The following XYLB variants were observed in gnomAD, a reference collection of about 807,000 sequenced individuals.
XYLB encodes the protein xylulokinase, also known as xylulose kinase.
In XYLB, 62 loss-of-function variants were observed where a neutral mutation model predicts 78.7. That is an observed-to-expected ratio of 0.79 (90% CI 0.64 to 0.97). The LOEUF is 0.97. Ranked by LOEUF, XYLB falls within the 50% of genes least tolerant of loss-of-function variation. The pLI, the probability that XYLB is intolerant of heterozygous loss-of-function variation, is 0.00. For synonymous variants in XYLB, 245 were observed against 247.4 expected, an observed-to-expected ratio of 0.99 and a Z score of 0.09; for missense variants, 687 against 676.8, an observed-to-expected ratio of 1.02 and a Z score of -0.17.
chr3:38,361,536 G>T (rs538688660), intron 3 of XYLB, among the ~76,000 whole-genome samples: 1 of 152,210 alleles, frequency 6.6e-6, no homozygotes, highest in Non-Finnish European at 1.5e-5. Flanking sequence ...TTCAGAGGGG[G>T]CTGAGCCAGA....
chr3:38,363,055 G>A, intron 4 of XYLB, 38 bp downstream of exon 4: 1 of 1,480,816 alleles, frequency 6.8e-7, no homozygotes, highest in Non-Finnish European at 9.0e-7. Context: ...ATGTGAGGGT[G>A]ACTGTCCTGG....
intron 12 of XYLB, 114 bp from the exon 13 acceptor site, chr3:38,376,003 G>C (rs547517837): frequency 2.0e-5 from 15 of 744,984 alleles, no homozygotes; most frequent in African/African-American, 1.9e-4. Context: ...CACTGACTAG[G>C]GGTCGTGGTC....
At chr3:38,385,496 G>C (rs544154929) in intron 15 of XYLB, among the ~76,000 whole-genome samples, 1 of 152,020 alleles carries the variant, frequency 6.6e-6, no homozygotes, top group Admixed American at 6.5e-5. Flanking sequence ...GTATTTTTAA[G>C]TTGAAATTTT....
At chr3:38,436,043 CA>C in the XYLB span, among the ~76,000 whole-genome samples, 1 of 151,884 alleles carries the variant, frequency 6.6e-6, no homozygotes, top group African/African-American at 2.4e-5. Flanking sequence ...AAGAACAAAC[CA>C]AACTCCAAAT....
chr3:38,415,760 C>G (rs544310401), downstream of XYLB, among the ~76,000 whole-genome samples: 4 of 152,180 alleles, frequency 2.6e-5, no homozygotes, highest in African/African-American at 9.6e-5. Flanking sequence ...CCAGCCTGGG[C>G]AACAGTGAGA....
intron 9 of XYLB, among the ~76,000 whole-genome samples, chr3:38,372,168 C>G (rs1420817555): frequency 6.6e-6 from 1 of 152,180 alleles, no homozygotes; most frequent in African/African-American, 2.4e-5. Context: ...TCCCTGCACT[C>G]TGTCTTTTTT....
At position 38,374,466 on chromosome 3, in the gene XYLB, G is replaced by A. The variant is rs376159567; in HGVS notation, c.852G>A (p.Ser284=). 1.9e-5 allele frequency: 31 copies of A among 1,613,932 alleles called. No homozygotes were observed. Among genetic ancestry groups the A allele is most frequent in the Middle Eastern group, 3.3e-4 (2 of 6,082 alleles). The change falls in exon 11 of 19, where the codon TCG becomes TCA. Residue 284 remains serine, a synonymous_variant. Transcript: ENST00000207870. ...VVAFTGDNPA[S]LAGMRLEEGD... is the part of the protein sequence containing the mutation. ...AAGCTCCCCTCCCATTCTCAGCGTC[G>A]CTGGCAGGCATGAGACTGGAGGAAG... is the stretch of plus-strand genomic sequence containing the variant.
chr3:38,360,974 G>A (rs909565190), intron 3 of XYLB, among the ~76,000 whole-genome samples: 4 of 152,178 alleles, frequency 2.6e-5, no homozygotes, highest in African/African-American at 9.7e-5. Flanking sequence ...GGTGGAGGTT[G>A]CAGTGAGCTG....
intron 15 of XYLB, among the ~76,000 whole-genome samples, chr3:38,387,459 C>T (rs776298247): frequency 3.3e-5 from 5 of 152,170 alleles, no homozygotes; most frequent in Non-Finnish European, 5.9e-5. Context: ...CAACCTCCAC[C>T]TGCTGGGCTC....
intron 18 of XYLB, among the ~76,000 whole-genome samples, chr3:38,409,000 A>G (rs1368931085): frequency 6.6e-6 from 1 of 152,214 alleles, no homozygotes; most frequent in African/African-American, 2.4e-5. Flanking sequence ...TATTCCAATC[A>G]ATAGAAAAAG....
At chr3:38,446,090 TTCCACAGCA>T in the XYLB span, among the ~76,000 whole-genome samples, 2 of 152,182 alleles carry the variant, frequency 1.3e-5, no homozygotes, top group Admixed American at 1.3e-4. Flanking sequence ...AGAACAAAGC[TTCCACAGCA>T]TGGAAGGAGA....
chr3:38,366,750 G>A, intron 6 of XYLB, 58 bp from the exon 7 acceptor site: 1 of 1,181,428 alleles, frequency 8.5e-7, no homozygotes, highest in South Asian at 1.2e-5. Context: ...ACTTTGTGGA[G>A]GTAATTGTTC....
At chr3:38,405,938 G>T (rs907229992) in intron 18 of XYLB, among the ~76,000 whole-genome samples, 5 of 152,242 alleles carry the variant, frequency 3.3e-5, no homozygotes, top group African/African-American at 7.2e-5. Flanking sequence ...GCCTCTGTAG[G>T]CTCCACCTCT....
chr3:38,394,599 G>C (rs1228124972), intron 15 of XYLB, among the ~76,000 whole-genome samples: 1 of 152,154 alleles, frequency 6.6e-6, no homozygotes, highest in East Asian at 1.9e-4. Flanking sequence ...TGTTTTGTTT[G>C]TAGTTGTATT....
At chr3:38,424,233 T>C (rs1709058300), downstream of XYLB, among the ~76,000 whole-genome samples, 1 of 152,194 alleles carries the variant, frequency 6.6e-6, no homozygotes, top group Non-Finnish European at 1.5e-5. Context: ...CAAGATCTTG[T>C]AGAATGGCTT....
At position 38,376,180 on chromosome 3, in the gene XYLB, C is replaced by G. The variant is rs201105580; in HGVS notation, c.1068C>G (p.Ser356Arg). Reference protein sequence around the residue: ...IRNESVSRSWSDFSKALQSTE... With the variant: ...IRNESVSRSWRDFSKALQSTE... ...ACGAGTCTGTATCCCGTTCCTGGAG[C>G]GATTTCTCTAAGGCACTGCAGTCCA... Residue 356 changes from serine to arginine, a missense_variant, in exon 13 of 19, where the codon AGC becomes AGG. Physicochemically the swap from Ser to Arg is moderately radical, Grantham distance 110 (BLOSUM62 -1). Coordinates refer to ENST00000207870, the MANE Select transcript of XYLB (RefSeq NM_005108.4). 1.9e-6 allele frequency: 3 copies of G among 1,614,014 alleles called. No individual in the cohort carries two copies. Among genetic ancestry groups the G allele is most frequent in the African/African-American group, 2.7e-5 (2 of 74,918 alleles).
At chr3:38,353,940 C>T (rs892807473) in intron 2 of XYLB, among the ~76,000 whole-genome samples, 3 of 150,766 alleles carry the variant, frequency 2.0e-5, no homozygotes, top group Middle Eastern at 3.2e-3. Flanking sequence ...AGATGTGAGG[C>T]TTATCATGTG....
At chr3:38,355,333 G>A (rs1233738116) in intron 2 of XYLB, among the ~76,000 whole-genome samples, 3 of 152,166 alleles carry the variant, frequency 2.0e-5, no homozygotes, top group Admixed American at 6.5e-5. Flanking sequence ...TCTAGCTACC[G>A]TTAACTGACT....
At chr3:38,450,562 T>A in the XYLB span, among the ~76,000 whole-genome samples, 12 of 152,200 alleles carry the variant, frequency 7.9e-5, no homozygotes, top group Admixed American at 3.9e-4. Flanking sequence ...GGTTTCAGAT[T>A]TTTTTTGCCT....
Sources: gnomAD v4.1 joint callset for allele counts (sites outside exome capture counted in the v4.1 genomes callset) on GRCh38, gnomAD v4.1.1 for gene constraint, MANE v1.5 for transcripts, NCBI Gene and HGNC (gene_info 2026-07-23, HGNC 2026-07-21) for gene names.